The following EHBP1 variants were observed in gnomAD, a reference collection of about 807,000 sequenced individuals.
EHBP1 encodes EH domain-binding protein 1.
A neutral mutation model predicts 144.0 loss-of-function variants in EHBP1; 55 were observed. The observed-to-expected ratio is 0.38, with a 90% CI of 0.31 to 0.48. EHBP1 has a LOEUF of 0.48. Among genes scored for constraint, EHBP1 ranks in the 20% least tolerant of loss-of-function variants. EHBP1 has a pLI of 0.98. For synonymous variants in EHBP1, 469 were observed against 472.7 expected, an observed-to-expected ratio of 0.99 and a Z score of 0.10; for missense variants, 1,200 against 1,364.2, an observed-to-expected ratio of 0.88 and a Z score of 1.90.
At chr2:62,832,696 A>G (rs2046918514) in intron 7 of EHBP1, among the ~76,000 whole-genome samples, 1 of 152,156 alleles carries the variant, frequency 6.6e-6, no homozygotes, top group Non-Finnish European at 1.5e-5. Flanking sequence ...AATTGCACCC[A>G]TTTAAGACAG....
intron 11 of EHBP1, 44 bp downstream of exon 11, chr2:62,942,940 G>A (rs1365811567): frequency 1.5e-6 from 2 of 1,353,086 alleles, no homozygotes; most frequent in South Asian, 1.7e-5. Context: ...GTAAGTGATA[G>A]ACATTTTTGA....
At chr2:62,982,575 T>C (rs1322171981) in intron 15 of EHBP1, among the ~76,000 whole-genome samples, 1 of 151,980 alleles carries the variant, frequency 6.6e-6, no homozygotes, top group Admixed American at 6.6e-5. Context: ...AATCCTCAGG[T>C]CTGAAAAAAG....
intron 10 of EHBP1, among the ~76,000 whole-genome samples, chr2:62,917,645 T>C (rs2054743173): frequency 1.3e-5 from 2 of 152,176 alleles, no homozygotes. Flanking sequence ...TATGATTTAG[T>C]TATATTAAAT....
At chr2:62,809,230 G>A (rs1222335556) in intron 5 of EHBP1, among the ~76,000 whole-genome samples, 5 of 149,296 alleles carry the variant, frequency 3.3e-5, no homozygotes, top group Non-Finnish European at 5.9e-5. Context: ...GGCAGAGGTT[G>A]CAGTGAGCCA....
At chr2:62,743,987 C>T (rs1288163238) in intron 2 of EHBP1, among the ~76,000 whole-genome samples, 1 of 151,994 alleles carries the variant, frequency 6.6e-6, no homozygotes, top group African/African-American at 2.4e-5. Context: ...TAAGATGTTC[C>T]TTTTTAATGG....
At chr2:62,885,531 A>G (rs539151609) in intron 10 of EHBP1, among the ~76,000 whole-genome samples, 7 of 152,348 alleles carry the variant, frequency 4.6e-5, no homozygotes, top group African/African-American at 1.7e-4. Context: ...AAATTAATGA[A>G]TATGCAAACT....
chr2:62,777,858 C>T (rs1479785830), intron 5 of EHBP1, among the ~76,000 whole-genome samples: 1 of 151,630 alleles, frequency 6.6e-6, no homozygotes, highest in Non-Finnish European at 1.5e-5. Flanking sequence ...GGAAGTTAGG[C>T]AAAAAAGGCA....
intron 4 of EHBP1, among the ~76,000 whole-genome samples, chr2:62,769,817 G>T (rs72807575): frequency 1.1e-5 from 1 of 88,226 alleles, no homozygotes; most frequent in Non-Finnish European, 2.6e-5. Context: ...AAAAAAAAAA[G>T]CAGGCATGTA....
chr2:62,919,093 A>G (rs2054862389), intron 10 of EHBP1, among the ~76,000 whole-genome samples: 1 of 152,238 alleles, frequency 6.6e-6, no homozygotes, highest in Admixed American at 6.5e-5. Context: ...CAGAGCTTGT[A>G]GAAGCCAAGG....
intron 1 of EHBP1, among the ~76,000 whole-genome samples, chr2:62,689,713 CAAG>C (rs2033840729): frequency 6.6e-6 from 1 of 152,142 alleles, no homozygotes; most frequent in Non-Finnish European, 1.5e-5. Flanking sequence ...TTTTCATTAA[CAAG>C]AATCCAAATC....
In EHBP1 at chr2:62,948,497, G is replaced by A. The variant is rs576420993; in HGVS notation, c.1651G>A (p.Ala551Thr). Residue 551 changes from alanine (A) to threonine (T), a missense_variant, in exon 13 of 23, where the codon GCA (alanine) becomes ACA (threonine). Coordinates refer to ENST00000431489, the MANE Select transcript of EHBP1 (RefSeq NM_001142616.3). ...TTCTGTTGATCAAGAAAAATTCTAT[G>A]CAGAGCTTAGTGATCTGAAGCGGGA... ...NSSVDQEKFY[A>T]ELSDLKREPE... The A allele has an allele frequency of 6.2e-7, 1 of 1,613,944 alleles. No individual in the cohort carries two copies. Among genetic ancestry groups the A allele is most frequent in the African/African-American group, 1.3e-5 (1 of 75,042 alleles).
chr2:62,715,458 T>G (rs2035583232), intron 2 of EHBP1, among the ~76,000 whole-genome samples: 1 of 151,996 alleles, frequency 6.6e-6, no homozygotes, highest in Admixed American at 6.5e-5. Flanking sequence ...CTTTTCTTTT[T>G]TTTTTTTGGT....
At chr2:63,016,470 G>A (rs746146546) in intron 19 of EHBP1, among the ~76,000 whole-genome samples, 3 of 151,844 alleles carry the variant, frequency 2.0e-5, no homozygotes, top group Non-Finnish European at 4.4e-5. Flanking sequence ...CGTTCTTGTC[G>A]CCCAGGCTGG....
intron 5 of EHBP1, among the ~76,000 whole-genome samples, chr2:62,815,979 T>C (rs1301804055): frequency 2.0e-5 from 3 of 152,198 alleles, no homozygotes; most frequent in Non-Finnish European, 4.4e-5. Context: ...GTTTAAGAAG[T>C]TCATTGATAA....
At chr2:62,773,850 CAAAAAAAAAAAAAAAAA>C (rs570715468) in intron 5 of EHBP1, among the ~76,000 whole-genome samples, 84 of 41,542 alleles carry the variant, frequency 2.0e-3, no homozygotes, top group East Asian at 7.7e-3. Flanking sequence ...GACTCCATCT[CAAAAAAAAAAAAAAAAA>C]AAAAAAAAAA....
intron 10 of EHBP1, among the ~76,000 whole-genome samples, chr2:62,928,656 C>T (rs545543151): frequency 1.3e-5 from 2 of 151,618 alleles, no homozygotes; most frequent in Admixed American, 6.6e-5. Context: ...CCTAATGTTA[C>T]AACTTAAGGA....
chr2:62,975,379 G>A (rs2058665035), intron 14 of EHBP1, among the ~76,000 whole-genome samples: 1 of 152,140 alleles, frequency 6.6e-6, no homozygotes, highest in African/African-American at 2.4e-5. Flanking sequence ...TCTTATTGAG[G>A]GAATGGCAAG....
chr2:62,799,720 A>G lies in EHBP1; in HGVS notation c.313-26367A>G, dbSNP rs78516178. On this transcript the variant is annotated intron_variant, in intron 5 of 22. Coordinates refer to ENST00000431489, the MANE Select transcript of EHBP1 (RefSeq NM_001142616.3). The stretch of plus-strand genomic sequence containing the variant: ...TCTTACCCTCGCCTTTGAATTACCT[A>G]TAGGGGGAAAACAACTCTTTAAAAA... 8.5e-5 allele frequency among the ~76,000 whole-genome samples: 13 copies of G among 152,310 alleles called. No individual in the cohort carries two copies. The East Asian group carries it at 2.5e-3, about 29-fold the overall frequency.
At chr2:62,728,573 T>C (rs1358087978) in intron 2 of EHBP1, among the ~76,000 whole-genome samples, 2 of 152,222 alleles carry the variant, frequency 1.3e-5, no homozygotes. Context: ...TGTAATCATT[T>C]GCCCATTTTT....
Sources: allele counts gnomAD v4.1 joint callset (sites outside exome capture counted in the v4.1 genomes callset), GRCh38; gene constraint gnomAD v4.1.1; transcripts MANE v1.5; gene names NCBI Gene and HGNC (gene_info 2026-07-23, HGNC 2026-07-21).